The following PPIP5K2 variants were observed in gnomAD, a reference collection of about 807,000 sequenced individuals.
PPIP5K2 encodes the protein diphosphoinositol pentakisphosphate kinase 2.
Under a neutral mutation model 154.6 loss-of-function variants are expected in PPIP5K2, and 105 were observed. That is an observed-to-expected ratio of 0.68 (90% CI 0.58 to 0.80). PPIP5K2 has a LOEUF of 0.80. Ranked by LOEUF, PPIP5K2 falls within the 30% of genes least tolerant of loss-of-function variation. The pLI, the probability that PPIP5K2 is intolerant of heterozygous loss-of-function variation, is 0.00. For missense variants in PPIP5K2, 992 were observed against 1,504.6 expected (o/e 0.66, Z 5.64); for synonymous variants, 480 against 490.3 (o/e 0.98, Z 0.28).
intron 5 of PPIP5K2, among the ~76,000 whole-genome samples, chr5:103,143,329 T>G (rs937966888): frequency 6.6e-6 from 1 of 152,182 alleles, no homozygotes; most frequent in Middle Eastern, 3.2e-3. Context: ...TAGCTGGGAC[T>G]ACAAGCACAA....
intron 24 of PPIP5K2, 46 bp from the exon 25 acceptor site, chr5:103,183,176 CTTTTTTTTTTTT>C (rs781952635): frequency 4.1e-5 from 22 of 539,198 alleles, no homozygotes; most frequent in Middle Eastern, 7.6e-4. Flanking sequence ...GCATGCTCTG[CTTTTTTTTTTTT>C]TTTTTTTTTT....
At chr5:103,187,128 C>T (rs1800511713) in intron 27 of PPIP5K2, among the ~76,000 whole-genome samples, 186 bp from the exon 28 acceptor site, 1 of 152,138 alleles carries the variant, frequency 6.6e-6, no homozygotes, top group African/African-American at 2.4e-5. Flanking sequence ...TTTCATTTGA[C>T]ACTTTTCCTC....
chr5:103,200,836 C>G (rs1201698322), intron 30 of PPIP5K2, among the ~76,000 whole-genome samples: 1 of 151,922 alleles, frequency 6.6e-6, no homozygotes, highest in African/African-American at 2.4e-5. Context: ...GGGGGTCTCA[C>G]TATGTTGCCA....
chr5:103,144,693 A>G (rs2149527999), intron 5 of PPIP5K2, among the ~76,000 whole-genome samples: 1 of 152,296 alleles, frequency 6.6e-6, no homozygotes, highest in Admixed American at 6.5e-5. Flanking sequence ...TTCAGTAAGT[A>G]GTGTTGGGAA....
chr5:103,127,350 T>C (rs1195133698), intron 1 of PPIP5K2, among the ~76,000 whole-genome samples: 7 of 150,780 alleles, frequency 4.6e-5, no homozygotes, highest in Admixed American at 1.3e-4. Flanking sequence ...CTATTATCTT[T>C]TTTATTGGTG....
In PPIP5K2 at chr5:103,149,141, A is replaced by G. The variant is rs1378762836; in HGVS notation, c.745-11A>G. On this transcript the variant is annotated splice_polypyrimidine_tract_variant and intron_variant, in intron 7 of 30. Transcript: ENST00000358359. ...ATATATATTTATACATTTATTAAAC[A>G]TTTGTGAAAGGTTTATACAGTGGGT... is the stretch of plus-strand genomic sequence containing the variant. 3 of 1,591,520 alleles carry G rather than the reference A, an allele frequency of 1.9e-6. No individual in the cohort carries two copies. Among genetic ancestry groups the G allele is most frequent in the African/African-American group, 2.7e-5 (2 of 73,744 alleles).
In PPIP5K2 at chr5:103,201,670, A is replaced by C. The variant is rs1803045303; in HGVS notation, c.*36A>C. 1.4e-6 allele frequency: 2 copies of C among 1,385,794 alleles called. No homozygotes were observed. Among genetic ancestry groups the C allele is most frequent in the African/African-American group, 2.9e-5 (2 of 68,522 alleles). 85.8% of individuals were successfully genotyped at this position (1,385,794 alleles called of 1,614,324 possible). A position where few individuals can be genotyped will look rare whatever the true frequency, so the allele number is the denominator to read the frequency against. On this transcript the variant is annotated 3_prime_UTR_variant, in exon 31 of 31. Transcript: ENST00000358359. ...GAAGCTGGAACTTTTTATACTTATA[A>C]AAATAGTATGTTCTTATGTTTCTCC...
intron 28 of PPIP5K2, chr5:103,189,046 G>T: frequency 1.6e-6 from 1 of 623,096 alleles, no homozygotes; most frequent in South Asian, 2.7e-5. Flanking sequence ...TAACTTTCAT[G>T]TTATTTCCAT....
intron 1 of PPIP5K2, among the ~76,000 whole-genome samples, chr5:103,126,622 A>T (rs1487001007): frequency 6.6e-6 from 1 of 152,174 alleles, no homozygotes; most frequent in South Asian, 2.1e-4. Context: ...GCTGAGGAGC[A>T]TGGAAGCCAA....
intron 10 of PPIP5K2, among the ~76,000 whole-genome samples, chr5:103,153,575 A>G (rs955746248): frequency 6.6e-6 from 1 of 151,954 alleles, no homozygotes; most frequent in South Asian, 2.1e-4. Context: ...ATCTACTTTT[A>G]TCCCAGAGTT....
chr5:103,183,853 AT>A (rs2149764646), intron 25 of PPIP5K2, among the ~76,000 whole-genome samples: 2 of 152,326 alleles, frequency 1.3e-5, no homozygotes, highest in East Asian at 3.9e-4. Context: ...ATTTTTTAAA[AT>A]ATCAGAATTT....
intron 20 of PPIP5K2, 122 bp from the exon 21 acceptor site, chr5:103,173,736 A>G (rs781785080): frequency 5.5e-5 from 38 of 696,210 alleles, no homozygotes; most frequent in Non-Finnish European, 5.4e-5. Context: ...TTGGAAGAAT[A>G]ATAGATTTTT....
At chr5:103,194,248 G>T (rs1231451907) in intron 29 of PPIP5K2, among the ~76,000 whole-genome samples, 3 of 150,996 alleles carry the variant, frequency 2.0e-5, no homozygotes, top group African/African-American at 7.3e-5. Flanking sequence ...GCACACTACA[G>T]CCTCAACCTT....
rs782318060 is a variant in PPIP5K2 at position 103,154,952 on chromosome 5, C to G, written c.1403+9C>G. Reference sequence around the variant, plus strand: ...AAGACTGTATTAGAGATGTGAGTATCTTTTTGAAACGCTTAATTGTGGTAC... The same window carrying G: ...AAGACTGTATTAGAGATGTGAGTATGTTTTTGAAACGCTTAATTGTGGTAC... On this transcript the variant is annotated intron_variant, in intron 13 of 30. Transcript: ENST00000358359. The G allele has an allele frequency of 6.6e-7, 1 of 1,504,352 alleles. No homozygotes were observed. The allele number at this position is 1,504,352 out of a possible 1,614,324, so 93.2% of individuals were successfully genotyped here.
At chr5:103,144,989 A>C (rs919246853) in intron 5 of PPIP5K2, among the ~76,000 whole-genome samples, 2 of 152,148 alleles carry the variant, frequency 1.3e-5, no homozygotes, top group Admixed American at 1.3e-4. Flanking sequence ...GAATGGGAGA[A>C]GATATTTGTA....
chr5:103,132,313 A>G (rs1436056448), intron 2 of PPIP5K2, among the ~76,000 whole-genome samples: 1 of 152,152 alleles, frequency 6.6e-6, no homozygotes, highest in Non-Finnish European at 1.5e-5. Flanking sequence ...AGGCCGAAGC[A>G]GACAGATCAT....
chr5:103,184,469 G>T, intron 25 of PPIP5K2: 1 of 445,516 alleles, frequency 2.2e-6, no homozygotes. Flanking sequence ...TGCCTGCTTC[G>T]CACCACTTCA....
chr5:103,155,406 CTTTTTTTTTTT>C (rs70990423), intron 13 of PPIP5K2, among the ~76,000 whole-genome samples: 47 of 21,056 alleles, frequency 2.2e-3, no homozygotes, highest in African/African-American at 3.9e-3. Context: ...TCAGAGTTGT[CTTTTTTTTTTT>C]TTTTTTTTTT....
rs781817332 is a variant in PPIP5K2, at chr5:103,133,669, G to A, written c.310+21G>A. ...TAAAGGTATTAAGGGGAGTGGGGGA[G>A]AAACTCCTTTATCCTCTCTGTTTAT... On this transcript the variant is annotated intron_variant, in intron 3 of 30. Coordinates refer to ENST00000358359, the MANE Select transcript of PPIP5K2 (RefSeq NM_001276277.3). The A allele has an allele frequency of 2.0e-6, 3 of 1,531,454 alleles. No homozygotes were observed. The South Asian group carries it at 3.8e-5, about 19-fold the overall frequency. 94.9% of individuals were successfully genotyped at this position (1,531,454 alleles called of 1,614,324 possible). A position where few individuals can be genotyped will look rare whatever the true frequency, so the allele number is the denominator to read the frequency against.
Sources: gnomAD v4.1 joint callset for allele counts (sites outside exome capture counted in the v4.1 genomes callset) on GRCh38, gnomAD v4.1.1 for gene constraint, MANE v1.5 for transcripts, NCBI Gene and HGNC (gene_info 2026-07-23, HGNC 2026-07-21) for gene names.